Variants in AGL observed in about 807,000 individuals in gnomAD.
AGL encodes the protein glycogen debranching enzyme.
Under a neutral mutation model 199.3 loss-of-function variants are expected in AGL, and 128 were observed. That is an observed-to-expected ratio of 0.64 (90% confidence interval 0.56 to 0.74). The LOEUF is 0.74. AGL is among the 30% of genes least tolerant of loss of function. The probability of loss-of-function intolerance (pLI) is 0.00; values close to 1 mark genes in which losing one functional copy is unlikely to be tolerated. For missense variants in AGL, 1,809 were observed against 1,820.8 expected (o/e 0.99, Z 0.12); for synonymous variants, 584 against 594.7 (o/e 0.98, Z 0.26).
Position 99,900,682 on chromosome 1 carries a change from C to T in AGL, c.3409C>T (p.Pro1137Ser). 1.9e-6 allele frequency: 3 copies of T among 1,614,074 alleles called. No homozygotes were observed. Among genetic ancestry groups the T allele is most frequent in the Non-Finnish European group, 2.5e-6 (3 of 1,180,016 alleles). ...GGGTACCCTGAGGCATGGTCTCATTCCTAATCTACTGGGTGAAGGAATTTA... is the reference window on the plus strand; with the variant it reads ...GGGTACCCTGAGGCATGGTCTCATTTCTAATCTACTGGGTGAAGGAATTTA... ...FAGTLRHGLI[P>S]NLLGEGIYAR... The change falls in exon 26 of 34, where the codon CCT becomes TCT. Residue 1137 changes from proline (P) to serine (S), a missense_variant. Coordinates refer to ENST00000361915, the MANE Select transcript of AGL (RefSeq NM_000642.3).
At chr1:99,908,879 CAGG>C (rs754900122) in intron 27 of AGL, among the ~76,000 whole-genome samples, 19 of 152,098 alleles carry the variant, frequency 1.2e-4, no homozygotes, top group Non-Finnish European at 2.6e-4. Flanking sequence ...CATGGGCTAT[CAGG>C]AGGCCACTCA....
intron 33 of AGL, among the ~76,000 whole-genome samples, chr1:99,918,975 T>C (rs1655326111): frequency 6.6e-6 from 1 of 152,168 alleles, no homozygotes; most frequent in African/African-American, 2.4e-5. Context: ...GATGGTTCTT[T>C]CCTTGTTCTT....
intron 31 of AGL, 125 bp downstream of exon 31, chr1:99,915,611 TAA>T: frequency 1.4e-6 from 1 of 739,274 alleles, no homozygotes. Flanking sequence ...AAATAAAAGT[TAA>T]AAAAAAAATT....
In AGL at chr1:99,881,700, A is replaced by G. The variant is rs760352106; in HGVS notation, c.2308+9A>G. 37 of 1,611,988 alleles carry G rather than the reference A, an allele frequency of 2.3e-5. 1 individual carries two copies. The East Asian group carries it at 7.4e-4, about 32-fold the overall frequency. On this transcript the variant is annotated intron_variant, in intron 17 of 33. Coordinates refer to ENST00000361915, the MANE Select transcript of AGL (RefSeq NM_000642.3). ...TCAAATGTGCATCCCTGGTAATGCA[A>G]TCTAAAAATTGTTACTGTATTTGTA... is the stretch of plus-strand genomic sequence containing the variant.
rs1364402397 is a variant in AGL, at chr1:99,861,539, A to G, written c.119A>G (p.Gln40Arg). 2.5e-6 allele frequency: 4 copies of G among 1,614,050 alleles called. No individual in the cohort carries two copies. The highest frequency in any genetic ancestry group is 1.3e-5 in the African/African-American group (1 of 75,052). ...ELQFRLGPTL[Q>R]GKAVTVYTNY... ...CAGTTCCGATTAGGCCCAACTTTAC[A>G]GGGAAAAGCAGTTACCGTGTATACA... is the stretch of plus-strand genomic sequence containing the variant. The change falls in exon 3 of 34, where the codon CAG (glutamine) becomes CGG (arginine). Residue 40 changes from glutamine (Q) to arginine (R), a missense_variant. Transcript: ENST00000361915.
chr1:99,884,436 G>A lies in AGL; in HGVS notation c.2531G>A (p.Ser844Asn). Residue 844 changes from serine (S) to asparagine (N), a missense_variant, in exon 19 of 34, where the codon AGT becomes AAT. By Grantham distance (46) the Ser-to-Asn change is conservative (BLOSUM62 1). Coordinates refer to ENST00000361915, the MANE Select transcript of AGL (RefSeq NM_000642.3). ...EIEFENLSPG[S>N]VIIFRVSLDP... The stretch of plus-strand genomic sequence containing the variant: ...GAATTTGAAAACTTGTCTCCAGGAA[G>A]TGTTATTATATTCAGGTATGTTAAT... The A allele has an allele frequency of 6.2e-7, 1 of 1,611,436 alleles. No individual in the cohort carries two copies. The highest frequency in any genetic ancestry group is 8.5e-7 in the Non-Finnish European group (1 of 1,178,302).
chr1:99,916,218 CAT>C (rs966621237), intron 31 of AGL, among the ~76,000 whole-genome samples, 190 bp from the exon 32 acceptor site: 2 of 152,102 alleles, frequency 1.3e-5, no homozygotes, highest in African/African-American at 4.8e-5. Flanking sequence ...ATTTTTAACA[CAT>C]GATTAAAGTC....
intron 17 of AGL, among the ~76,000 whole-genome samples, chr1:99,882,883 A>G (rs536374524): frequency 1.6e-4 from 25 of 152,306 alleles, no homozygotes; most frequent in Non-Finnish European, 2.1e-4. Flanking sequence ...TTTAAAAATT[A>G]TCAACCTGAA....
chr1:99,900,478 A>G (rs913370844), intron 25 of AGL, among the ~76,000 whole-genome samples, 158 bp from the exon 26 acceptor site: 6 of 152,166 alleles, frequency 3.9e-5, no homozygotes, highest in Non-Finnish European at 4.4e-5. Context: ...TTCAGTACTT[A>G]CTCTATCATA....
chr1:99,873,344 C>T (rs546249117), intron 7 of AGL, among the ~76,000 whole-genome samples: 56 of 151,924 alleles, frequency 3.7e-4, no homozygotes, highest in African/African-American at 1.3e-3. Context: ...TCCACTGATC[C>T]GTCTCTTTTA....
Position 99,862,428 on chromosome 1 carries a change from T to C in AGL, c.460+5T>C. The stretch of plus-strand genomic sequence containing the variant: ...TTAGGGTTGCAAAAGAATCAGGTAA[T>C]GTCAGCTTGCTTTCTTTTTCTTATT... On this transcript the variant is annotated splice_donor_5th_base_variant and intron_variant, in intron 4 of 33. Coordinates refer to ENST00000361915, the MANE Select transcript of AGL (RefSeq NM_000642.3). 1.2e-6 allele frequency: 2 copies of C among 1,613,934 alleles called. No homozygotes were observed. The highest frequency in any genetic ancestry group is 8.5e-7 in the Non-Finnish European group (1 of 1,179,908).
chr1:99,907,428 T>A (rs1654372331), intron 27 of AGL, among the ~76,000 whole-genome samples: 1 of 152,148 alleles, frequency 6.6e-6, no homozygotes, highest in African/African-American at 2.4e-5. Flanking sequence ...TGTACAAATA[T>A]CAGTTTGAGT....
intron 28 of AGL, among the ~76,000 whole-genome samples, chr1:99,911,474 A>G (rs1395051134): frequency 1.3e-5 from 2 of 151,892 alleles, no homozygotes; most frequent in Non-Finnish European, 2.9e-5. Context: ...AGAGAGCCTC[A>G]CTCTGTTGCC....
At chr1:99,885,864 A>G (rs569584330) in intron 20 of AGL, among the ~76,000 whole-genome samples, 12 of 152,318 alleles carry the variant, frequency 7.9e-5, no homozygotes, top group Admixed American at 7.8e-4. Flanking sequence ...AAAGTACACA[A>G]TAAATGTAAT....
intron 25 of AGL, among the ~76,000 whole-genome samples, chr1:99,897,125 A>T (rs1653391982): frequency 6.6e-6 from 1 of 151,876 alleles, no homozygotes; most frequent in Admixed American, 6.6e-5. Flanking sequence ...GTAAAATGGT[A>T]TTTTTTTTAA....
chr1:99,887,703 A>C (rs1652557454), intron 20 of AGL, among the ~76,000 whole-genome samples: 1 of 152,206 alleles, frequency 6.6e-6, no homozygotes, highest in Non-Finnish European at 1.5e-5. Flanking sequence ...TATAGAAGCC[A>C]AAATATTTTC....
chr1:99,902,815 T>C (rs1482718699), intron 27 of AGL, 21 bp downstream of exon 27: 2 of 1,553,938 alleles, frequency 1.3e-6, no homozygotes, highest in African/African-American at 1.4e-5. Flanking sequence ...TTAACTAAAA[T>C]AGTACAAATT....
Position 99,910,758 on chromosome 1 carries a change from T to C in AGL, c.3747T>C (p.Tyr1249=), listed in dbSNP as rs1279744188. ...TTGATGAAGAAACAGGATTTGTTTA[T>C]GGAGGAAATCGTTTCAATTGTGGCA... ...AGVDEETGFV[Y]GGNRFNCGTW... The change falls in exon 28 of 34, where the codon TAT becomes TAC. Residue 1249 remains tyrosine (Y), a synonymous_variant. Transcript: ENST00000361915. 6.2e-7 allele frequency: 1 copy of C among 1,612,256 alleles called. No homozygotes were observed. Among genetic ancestry groups the C allele is most frequent in the South Asian group, 1.1e-5 (1 of 91,022 alleles).
At chr1:99,901,799 T>C (rs1653861762) in intron 26 of AGL, among the ~76,000 whole-genome samples, 1 of 152,128 alleles carries the variant, frequency 6.6e-6, no homozygotes, top group Non-Finnish European at 1.5e-5. Flanking sequence ...TGTAAGCTAC[T>C]CCAGGGTTAG....
Sources: allele counts gnomAD v4.1 joint callset (sites outside exome capture counted in the v4.1 genomes callset), GRCh38; gene constraint gnomAD v4.1.1; transcripts MANE v1.5; gene names NCBI Gene and HGNC (gene_info 2026-07-23, HGNC 2026-07-21).